GABRG3: variants seen among roughly 807,000 people sequenced by gnomAD.
GABRG3 encodes the protein gamma-aminobutyric acid type A receptor subunit gamma3, also known as gamma-aminobutyric acid receptor subunit gamma-3.
A neutral mutation model predicts 48.8 loss-of-function variants in GABRG3; 25 were observed. That is an observed-to-expected ratio of 0.51 (90% CI 0.37 to 0.72). The LOEUF (loss-of-function observed/expected upper bound fraction) is 0.72. Ranked by LOEUF, GABRG3 falls within the 30% of genes least tolerant of loss-of-function variation. The pLI, the probability that GABRG3 is intolerant of heterozygous loss-of-function variation, is 0.00. For synonymous variants in GABRG3, 227 were observed against 217.6 expected, an observed-to-expected ratio of 1.04 and a Z score of -0.38; for missense variants, 394 against 577.9, an observed-to-expected ratio of 0.68 and a Z score of 3.26.
chr15:27,407,690 A>G (rs560867988), intron 5 of GABRG3, among the ~76,000 whole-genome samples: 1 of 152,336 alleles, frequency 6.6e-6, no homozygotes, highest in Admixed American at 6.5e-5. Context: ...GCATATTACT[A>G]AGTGAAAGAA....
At chr15:27,369,858 C>A (rs527314855) in intron 5 of GABRG3, among the ~76,000 whole-genome samples, 1 of 138,558 alleles carries the variant, frequency 7.2e-6, no homozygotes, top group Admixed American at 7.1e-5. Flanking sequence ...CTAAGAAAAA[C>A]CTTTCAGATG....
intron 3 of GABRG3, among the ~76,000 whole-genome samples, chr15:27,083,055 A>G (rs1897017373): frequency 6.6e-6 from 1 of 152,208 alleles, no homozygotes; most frequent in Non-Finnish European, 1.5e-5. Context: ...ATTTTATCAC[A>G]TAAGGTAAAG....
rs1375797835 is a variant in GABRG3, at chr15:27,218,380, G to T, written c.271-108429G>T. On this transcript the variant is annotated intron_variant, in intron 3 of 9. Coordinates refer to ENST00000615808, the MANE Select transcript of GABRG3 (RefSeq NM_033223.5). Reference sequence around the variant, plus strand: ...CAATCCTCATTTCTCAGAATTTTATGCTCTTATTCAGAAAAGGGGAATTCT... The same window carrying T: ...CAATCCTCATTTCTCAGAATTTTATTCTCTTATTCAGAAAAGGGGAATTCT... 3.3e-5 allele frequency among the ~76,000 whole-genome samples: 5 copies of T among 152,130 alleles called. No individual in the cohort carries two copies. In the East Asian group the frequency reaches 9.6e-4, roughly 29 times the overall value.
chr15:27,214,728 T>C (rs991788881), intron 3 of GABRG3, among the ~76,000 whole-genome samples: 4 of 151,112 alleles, frequency 2.6e-5, no homozygotes, highest in Non-Finnish European at 4.4e-5. Flanking sequence ...GCTTGACTCA[T>C]TTCATCAAAT....
chr15:27,465,459 C>T (rs183120786), intron 5 of GABRG3, among the ~76,000 whole-genome samples: 5 of 152,320 alleles, frequency 3.3e-5, no homozygotes, highest in African/African-American at 7.2e-5. Context: ...ATGCAGCATC[C>T]GTTCCAAGGA....
At chr15:27,303,760 A>G (rs1050304475) in intron 3 of GABRG3, among the ~76,000 whole-genome samples, 4 of 151,352 alleles carry the variant, frequency 2.6e-5, no homozygotes, top group Non-Finnish European at 4.4e-5. Flanking sequence ...GTGTATATAT[A>G]TATATACACA....
chr15:27,476,426 T>C (rs1352327733), intron 5 of GABRG3, among the ~76,000 whole-genome samples: 1 of 151,350 alleles, frequency 6.6e-6, no homozygotes, highest in East Asian at 1.9e-4. Context: ...CAAAGGAAAG[T>C]ATAACAACTA....
chr15:27,058,020 C>T (rs533051189), intron 3 of GABRG3, among the ~76,000 whole-genome samples: 12 of 152,202 alleles, frequency 7.9e-5, no homozygotes, highest in Middle Eastern at 3.4e-3. Context: ...GTGAATCTGC[C>T]GACAGTTCTC....
At chr15:27,067,969 G>A (rs901025955) in intron 3 of GABRG3, among the ~76,000 whole-genome samples, 5 of 152,204 alleles carry the variant, frequency 3.3e-5, no homozygotes, top group Admixed American at 1.3e-4. Context: ...TTGGAGTAGA[G>A]AAGGCTTAGC....
At chr15:27,390,920 C>T (rs1896203250) in intron 5 of GABRG3, among the ~76,000 whole-genome samples, 1 of 151,994 alleles carries the variant, frequency 6.6e-6, no homozygotes, top group Admixed American at 6.5e-5. Context: ...GCAATGCCAT[C>T]TCTACTAAAA....
intron 5 of GABRG3, among the ~76,000 whole-genome samples, chr15:27,409,965 T>A (rs1887747522): frequency 6.6e-6 from 1 of 152,166 alleles, no homozygotes; most frequent in African/African-American, 2.4e-5. Flanking sequence ...TCCAGTACTG[T>A]GCTAGAGTGG....
intron 3 of GABRG3, among the ~76,000 whole-genome samples, chr15:27,307,266 TGTTTATATATAACCATAGGTTTA>T (rs1415104824): frequency 2.1e-5 from 3 of 142,312 alleles, no homozygotes; most frequent in Non-Finnish European, 3.0e-5. Context: ...TCATATTATA[TGTTTATATATAACCATAGGTTTA>T]TATATGTTTA....
chr15:27,167,430 A>C (rs1348894411), intron 3 of GABRG3, among the ~76,000 whole-genome samples: 1 of 152,162 alleles, frequency 6.6e-6, no homozygotes, highest in Admixed American at 6.5e-5. Context: ...ATTAAAACCA[A>C]GATGTCCTGG....
chr15:27,332,508 TG>T (rs1303682979), intron 5 of GABRG3, among the ~76,000 whole-genome samples: 1 of 151,848 alleles, frequency 6.6e-6, no homozygotes, highest in Non-Finnish European at 1.5e-5. Flanking sequence ...CACTCCAGCC[TG>T]GGCAACAGAG....
intron 5 of GABRG3, among the ~76,000 whole-genome samples, chr15:27,386,437 T>G (rs1895923518): frequency 6.6e-6 from 1 of 152,188 alleles, no homozygotes; most frequent in Non-Finnish European, 1.5e-5. Flanking sequence ...GATCAGCTTT[T>G]TCTTACTTTC....
intron 2 of GABRG3, among the ~76,000 whole-genome samples, chr15:26,979,541 TA>T (rs1011081036): frequency 5.9e-5 from 9 of 152,116 alleles, no homozygotes; most frequent in African/African-American, 1.4e-4. Flanking sequence ...TCTGATACAT[TA>T]AAAAAAAGTT....
intron 6 of GABRG3, among the ~76,000 whole-genome samples, chr15:27,483,546 A>G (rs1890147949): frequency 6.6e-6 from 1 of 152,228 alleles, no homozygotes. Context: ...CAGAAAGTTT[A>G]GCACTTTGTG....
chr15:27,019,808 G>A (rs78441506), intron 2 of GABRG3, among the ~76,000 whole-genome samples: 8,628 of 152,068 alleles, frequency 0.057, 317 homozygotes, highest in East Asian at 0.18. Context: ...ATGCGTTGGG[G>A]GCATGAGAGT....
chr15:26,989,950 C>T (rs957085490), intron 2 of GABRG3, among the ~76,000 whole-genome samples: 1 of 152,300 alleles, frequency 6.6e-6, no homozygotes. Flanking sequence ...TTGCAAATGA[C>T]AGGATCTCAT....
Sources: allele counts gnomAD v4.1 joint callset (sites outside exome capture counted in the v4.1 genomes callset), GRCh38; gene constraint gnomAD v4.1.1; transcripts MANE v1.5; gene names NCBI Gene and HGNC (gene_info 2026-07-23, HGNC 2026-07-21).